PARP6: variants seen among roughly 807,000 people sequenced by gnomAD.
PARP6 encodes the protein poly(ADP-ribose) polymerase family member 6, also known as protein mono-ADP-ribosyltransferase PARP6.
Under a neutral mutation model 92.0 loss-of-function variants are expected in PARP6, and 27 were observed. The observed-to-expected ratio is 0.29, with a 90% CI of 0.22 to 0.40. The LOEUF (loss-of-function observed/expected upper bound fraction) is 0.40. Among genes scored for constraint, PARP6 ranks in the 10% least tolerant of loss-of-function variants. The pLI is 1.00. For missense variants in PARP6, 501 were observed against 784.5 expected, an observed-to-expected ratio of 0.64 and a Z score of 4.32; for synonymous variants, 272 against 281.2, an observed-to-expected ratio of 0.97 and a Z score of 0.33.
At chr15:72,260,718 A>T in intron 9 of PARP6, 30 bp from the exon 10 acceptor site, 2 of 1,544,840 alleles carry the variant, frequency 1.3e-6, no homozygotes, top group Non-Finnish European at 1.8e-6. Context: ...AGAAGTGATA[A>T]AACTGGGGAT....
At position 72,241,385 on chromosome 15, in the gene PARP6, G is replaced by A. The variant is rs2083033276; in HGVS notation, c.*70C>T. ...ATTCCTCAGGGCAGCCTCAGCTGCT[G>A]TACCTGAACACTTTTATGAGGGCAG... On this transcript the variant is annotated 3_prime_UTR_variant, in exon 24 of 24. Coordinates refer to ENST00000569795, the MANE Select transcript of PARP6 (RefSeq NM_001323532.2). This position sits in a 1 kb window ranked among gnomAD's most constrained non-coding sequence, Gnocchi z 4.1. The A allele has an allele frequency of 9.2e-7, 1 of 1,088,820 alleles. No individual in the cohort carries two copies. Among genetic ancestry groups the A allele is most frequent in the African/African-American group, 1.5e-5 (1 of 64,972 alleles). The allele number at this position is 1,088,820 out of a possible 1,614,324, so 67.4% of individuals were successfully genotyped here.
At chr15:72,243,548 T>C (rs2083291297) in intron 20 of PARP6, 1 of 152,226 alleles carries the variant, frequency 6.6e-6, no homozygotes, top group Non-Finnish European at 1.5e-5. Flanking sequence ...GTTTCCACAT[T>C]ATCTAAATCC....
chr15:72,256,355 G>T (rs2085127881), intron 14 of PARP6, 110 bp downstream of exon 14: 2 of 851,572 alleles, frequency 2.3e-6, no homozygotes, highest in East Asian at 3.2e-5. Flanking sequence ...CAGAGTTTAA[G>T]AATTCTGTCC....
At chr15:72,264,939 C>T in intron 7 of PARP6, 142 bp downstream of exon 7, 1 of 632,944 alleles carries the variant, frequency 1.6e-6, no homozygotes, top group South Asian at 1.9e-5. Context: ...ATACCAATTA[C>T]AGGGGACTAA....
chr15:72,257,564 G>A, intron 12 of PARP6, 124 bp from the exon 13 acceptor site: 7 of 686,592 alleles, frequency 1.0e-5, no homozygotes, highest in South Asian at 5.3e-5. Context: ...CTCTATATCA[G>A]GAGAAAACTA....
chr15:72,259,000 G>C (rs1012503841), intron 11 of PARP6, among the ~76,000 whole-genome samples: 2 of 152,190 alleles, frequency 1.3e-5, no homozygotes, highest in African/African-American at 4.8e-5. Context: ...AACAATTCAA[G>C]GCAGCCCATA....
Position 72,241,396 on chromosome 15 carries a change from C to CT in PARP6, c.*58dup. 8.0e-7 allele frequency: 1 copy of CT among 1,242,266 alleles called. No homozygotes were observed. The highest frequency in any genetic ancestry group is 1.7e-5 in the Admixed American group (1 of 57,818). The allele number at this position is 1,242,266 out of a possible 1,614,324, so 77.0% of individuals were successfully genotyped here. ...CAGCCTCAGCTGCTGTACCTGAACA[C>CT]TTTTATGAGGGCAGATGGATCCTGG... On this transcript the variant is annotated 3_prime_UTR_variant, in exon 24 of 24. Coordinates refer to ENST00000569795, the MANE Select transcript of PARP6 (RefSeq NM_001323532.2). This position sits in a 1 kb window ranked among gnomAD's most constrained non-coding sequence, Gnocchi z 4.1.
chr15:72,249,770 G>C (rs1346763049), intron 19 of PARP6, among the ~76,000 whole-genome samples: 1 of 152,194 alleles, frequency 6.6e-6, no homozygotes, highest in East Asian at 1.9e-4. Context: ...GCTACAATCA[G>C]CAATTCCATA....
At chr15:72,256,278 CTAATAT>C (rs2085117741) in intron 14 of PARP6, among the ~76,000 whole-genome samples, 181 bp downstream of exon 14, 1 of 152,122 alleles carries the variant, frequency 6.6e-6, no homozygotes, top group Non-Finnish European at 1.5e-5. Flanking sequence ...CATAATGTAA[CTAATAT>C]TAATTCTTCT....
At chr15:72,254,314 G>C in intron 15 of PARP6, 141 bp downstream of exon 15, 1 of 626,718 alleles carries the variant, frequency 1.6e-6, no homozygotes. Context: ...CAGGAATTGG[G>C]AAGGTTAAAG....
chr15:72,247,022 T>C (rs1022376799), intron 20 of PARP6, among the ~76,000 whole-genome samples: 19 of 152,216 alleles, frequency 1.2e-4, no homozygotes, highest in African/African-American at 4.3e-4. Context: ...CCTCCCAAAG[T>C]GCTGGGATTA....
chr15:72,253,628 A>G (rs1597013316), intron 15 of PARP6, 124 bp from the exon 16 acceptor site: 1 of 769,808 alleles, frequency 1.3e-6, no homozygotes, highest in East Asian at 2.7e-5. Context: ...ACAGAGGAAA[A>G]AGGAGATAGG....
chr15:72,260,763 G>A, intron 9 of PARP6, 75 bp from the exon 10 acceptor site: 4 of 1,149,402 alleles, frequency 3.5e-6, no homozygotes, highest in Non-Finnish European at 5.3e-6. Flanking sequence ...GGAGATAAGT[G>A]AGCCCTAAGC....
At chr15:72,263,349 T>C (rs1178289440) in intron 8 of PARP6, among the ~76,000 whole-genome samples, 2 of 152,232 alleles carry the variant, frequency 1.3e-5, no homozygotes, top group African/African-American at 4.8e-5. Context: ...ACTTTAGCTC[T>C]GGCCTTTAGC....
chr15:72,256,104 C>A (rs900673327), intron 14 of PARP6, among the ~76,000 whole-genome samples: 1 of 152,126 alleles, frequency 6.6e-6, no homozygotes, highest in African/African-American at 2.4e-5. Context: ...GCCTACTTCT[C>A]ATTTGTATAA....
At chr15:72,266,883 G>A (rs1047209577) in intron 3 of PARP6, 61 bp from the exon 4 acceptor site, 30 of 1,262,040 alleles carry the variant, frequency 2.4e-5, no homozygotes, top group African/African-American at 8.9e-5. Context: ...ATGGAAAGGC[G>A]TGGGATGATA....
chr15:72,271,097 G>A lies in PARP6; in HGVS notation c.-269C>T, dbSNP rs2087369668. The A allele has an allele frequency of 6.6e-6, 1 of 152,222 alleles. No homozygotes were observed. Among genetic ancestry groups the A allele is most frequent in the African/African-American group, 2.4e-5 (1 of 41,454 alleles). The allele number at this position is 152,222 out of a possible 1,614,324, so 9.4% of individuals were successfully genotyped here. A position where few individuals can be genotyped will look rare whatever the true frequency, so the allele number is the denominator to read the frequency against. On this transcript the variant is annotated 5_prime_UTR_variant, in exon 2 of 24. Transcript: ENST00000569795. ...GTGAGATTTGAAAATAAACAGTCAA[G>A]TGCTGATCTGGATGATCACAGAGGA...
intron 2 of PARP6, among the ~76,000 whole-genome samples, chr15:72,270,203 A>G (rs955308939): frequency 1.4e-4 from 22 of 152,170 alleles, no homozygotes; most frequent in African/African-American, 5.1e-4. Context: ...AAGTATAACT[A>G]AAGTTCTTAG....
At position 72,258,098 on chromosome 15, in the gene PARP6, A is replaced by C. The variant is rs1283291585; in HGVS notation, c.845T>G (p.Leu282Trp). The C allele has an allele frequency of 6.2e-7, 1 of 1,613,898 alleles. No homozygotes were observed. The highest frequency in any genetic ancestry group is 1.1e-5 in the South Asian group (1 of 91,084). ...ATCACACACCACACAGTACTCATTC[A>C]ATGTTGGAATCCTCTGTTCTGCATA... ...MKYAEQRIPT[L>W]NEYCVVCDEQ... Residue 282 changes from leucine (L) to tryptophan (W), a missense_variant, in exon 12 of 24, where the codon TTG becomes TGG. Physicochemically the swap from Leu to Trp is moderately conservative, Grantham distance 61. Coordinates refer to ENST00000569795, the MANE Select transcript of PARP6 (RefSeq NM_001323532.2).
Sources: allele counts gnomAD v4.1 joint callset (sites outside exome capture counted in the v4.1 genomes callset), GRCh38; gene constraint gnomAD v4.1.1; non-coding constraint Gnocchi (gnomAD v3.1); transcripts MANE v1.5; gene names NCBI Gene and HGNC (gene_info 2026-07-23, HGNC 2026-07-21).